Variants in CACNA2D3 observed in about 807,000 individuals in gnomAD.
The protein encoded by CACNA2D3 is voltage-dependent calcium channel subunit alpha-2/delta-3.
A neutral mutation model predicts 160.6 loss-of-function variants in CACNA2D3; 60 were observed. The observed-to-expected ratio is 0.37, with a 90% CI of 0.30 to 0.46. CACNA2D3 has a LOEUF of 0.46. Among genes scored for constraint, CACNA2D3 ranks in the 20% least tolerant of loss-of-function variants. The pLI, the probability that CACNA2D3 is intolerant of heterozygous loss-of-function variation, is 1.00. For synonymous variants in CACNA2D3, 558 were observed against 492.9 expected, an observed-to-expected ratio of 1.13 and a Z score of -1.75; for missense variants, 1,205 against 1,365.0, an observed-to-expected ratio of 0.88 and a Z score of 1.85.
intron 2 of CACNA2D3, among the ~76,000 whole-genome samples, chr3:54,284,924 G>A (rs1008180721): frequency 6.6e-6 from 1 of 152,192 alleles, no homozygotes; most frequent in Non-Finnish European, 1.5e-5. Flanking sequence ...GGAAAAGTAT[G>A]TCATAAAGGA....
intron 4 of CACNA2D3, among the ~76,000 whole-genome samples, chr3:54,390,389 A>T (rs1293170535): frequency 1.3e-5 from 2 of 152,192 alleles, no homozygotes; most frequent in Non-Finnish European, 2.9e-5. Context: ...AAAATGAGGC[A>T]CCAAGAAAAT....
rs1439209079 is a variant in CACNA2D3 at position 54,689,009 on chromosome 3, A to AG, written c.1167+46768_1167+46769insG. ...AAAAAAAAAAAAAAAAAAAAAAAAA[A>AG]AAGAATGAGGTTGTATACATAAAGC... On this transcript the variant is annotated intron_variant, in intron 11 of 37. Coordinates refer to ENST00000474759, the MANE Select transcript of CACNA2D3 (RefSeq NM_018398.3). 2.3e-3 allele frequency among the ~76,000 whole-genome samples: 280 copies of AG among 122,648 alleles called. 66 individuals are homozygous for AG. The highest frequency in any genetic ancestry group is 7.6e-3 in the African/African-American group (226 of 29,908). 80.5% of individuals were successfully genotyped at this position (122,648 alleles called of 152,430 possible). A position where few individuals can be genotyped will look rare whatever the true frequency, so the allele number is the denominator to read the frequency against.
intron 11 of CACNA2D3, among the ~76,000 whole-genome samples, chr3:54,718,868 T>C (rs542918450): frequency 6.8e-4 from 103 of 152,216 alleles, no homozygotes; most frequent in Middle Eastern, 6.8e-3. Context: ...GTGTTGGAAG[T>C]CTTACACATT....
chr3:54,749,660 G>A (rs1429898650), intron 11 of CACNA2D3, among the ~76,000 whole-genome samples: 2 of 152,160 alleles, frequency 1.3e-5, no homozygotes, highest in South Asian at 2.1e-4. Context: ...CAGTTGAAAG[G>A]CATTACTGTG....
In CACNA2D3 at chr3:54,862,585, C is replaced by T. The variant is rs145969939; in HGVS notation, c.1627-8954C>T. ...ATTGCCAGCTTCCTGCCCTGCTTGT[C>T]GTTTAGCATAAAAACCTGAAGTTGA... On this transcript the variant is annotated intron_variant, in intron 17 of 37. Coordinates refer to ENST00000474759, the MANE Select transcript of CACNA2D3 (RefSeq NM_018398.3). 8.3e-3 allele frequency among the ~76,000 whole-genome samples: 1,262 copies of T among 152,240 alleles called. 31 individuals carry two copies. Among genetic ancestry groups the T allele is most frequent in the East Asian group, 0.021 (108 of 5,156 alleles).
chr3:54,741,967 A>G (rs1430360885), intron 11 of CACNA2D3, among the ~76,000 whole-genome samples: 1 of 151,864 alleles, frequency 6.6e-6, no homozygotes, highest in Non-Finnish European at 1.5e-5. Context: ...AACCCTGACT[A>G]CTGCCCCCGA....
chr3:54,229,205 T>G (rs901402707), intron 2 of CACNA2D3, among the ~76,000 whole-genome samples: 2 of 152,138 alleles, frequency 1.3e-5, no homozygotes, highest in Non-Finnish European at 2.9e-5. Context: ...TTTTTTTTTT[T>G]TTTTGAGACG....
chr3:54,394,323 T>TTTTTTC (rs1699335624), intron 4 of CACNA2D3, among the ~76,000 whole-genome samples: 1 of 150,974 alleles, frequency 6.6e-6, no homozygotes, highest in African/African-American at 2.5e-5. Context: ...TGAACATTTT[T>TTTTTTC]TTTTTTTTTA....
At chr3:54,966,324 A>C (rs1212628362) in intron 27 of CACNA2D3, among the ~76,000 whole-genome samples, 1 of 152,134 alleles carries the variant, frequency 6.6e-6, no homozygotes, top group East Asian at 1.9e-4. Flanking sequence ...GATGAGATTT[A>C]TTTGAAATGC....
At position 54,847,364 on chromosome 3, in the gene CACNA2D3, G is replaced by A. The variant is rs182781878; in HGVS notation, c.1626+897G>A. Among the ~76,000 whole-genome samples the A allele has an allele frequency of 1.5e-3, 224 of 151,258 alleles. 1 individual carries two copies. The highest frequency in any genetic ancestry group is 3.4e-3 in the Middle Eastern group (1 of 292). ...TCTTTAGCAATCAACAAACACACACGTACCTATATGCACATACACAAATGC... is the reference window on the plus strand; with the variant it reads ...TCTTTAGCAATCAACAAACACACACATACCTATATGCACATACACAAATGC... On this transcript the variant is annotated intron_variant, in intron 17 of 37. Transcript: ENST00000474759.
chr3:55,032,792 A>ATATT (rs1316397508), intron 35 of CACNA2D3, among the ~76,000 whole-genome samples: 1 of 152,110 alleles, frequency 6.6e-6, no homozygotes, highest in African/African-American at 2.4e-5. Context: ...GGGAGGTCTT[A>ATATT]TATTTAATTC....
intron 11 of CACNA2D3, among the ~76,000 whole-genome samples, chr3:54,657,979 C>A (rs1699904445): frequency 1.3e-5 from 2 of 152,216 alleles, no homozygotes; most frequent in African/African-American, 2.4e-5. Flanking sequence ...GATTGCACCA[C>A]TGCTTTCCTG....
chr3:55,016,498 A>G (rs1575436896), intron 34 of CACNA2D3, among the ~76,000 whole-genome samples: 2 of 152,222 alleles, frequency 1.3e-5, no homozygotes, highest in Non-Finnish European at 1.5e-5. Flanking sequence ...TAGCTACTAC[A>G]TAGCTAGCCA....
intron 2 of CACNA2D3, among the ~76,000 whole-genome samples, chr3:54,163,977 C>T (rs1360040029): frequency 6.6e-6 from 1 of 152,202 alleles, no homozygotes; most frequent in Non-Finnish European, 1.5e-5. Context: ...AGCCCACGGG[C>T]TAAGCAGCCC....
chr3:54,155,643 G>A (rs1174782993), intron 2 of CACNA2D3, among the ~76,000 whole-genome samples: 3 of 152,140 alleles, frequency 2.0e-5, no homozygotes, highest in East Asian at 1.9e-4. Context: ...CAGAAACATT[G>A]AAAACAAGTT....
At position 54,165,616 on chromosome 3, in the gene CACNA2D3, A is replaced by AAAG. The variant is rs1553741734; in HGVS notation, c.204+42024_204+42025insGAA. On this transcript the variant is annotated intron_variant, in intron 2 of 37. Transcript: ENST00000474759. The stretch of plus-strand genomic sequence containing the variant: ...TTCCATCTCTAAAAAAAAAAAAAAA[A>AAAG]AAAGAAAAATTAGCCAGGTGTGGTG... Among the ~76,000 whole-genome samples the AAAG allele has an allele frequency of 4.7e-4, 69 of 147,172 alleles. 2 individuals are homozygous for AAAG. In the South Asian group the frequency reaches 0.011, roughly 24 times the overall value.
At chr3:54,776,189 A>G (rs1428004357) in intron 13 of CACNA2D3, among the ~76,000 whole-genome samples, 1 of 152,236 alleles carries the variant, frequency 6.6e-6, no homozygotes, top group Non-Finnish European at 1.5e-5. Context: ...GGATAGAAAC[A>G]GATCAGCCAG....
intron 3 of CACNA2D3, among the ~76,000 whole-genome samples, chr3:54,351,637 A>G (rs964326448): frequency 2.0e-5 from 3 of 152,032 alleles, no homozygotes; most frequent in African/African-American, 7.3e-5. Context: ...CCAGTTGGTA[A>G]CCTCCTCTTT....
chr3:54,176,847 G>C (rs527599645), intron 2 of CACNA2D3, among the ~76,000 whole-genome samples: 5 of 152,186 alleles, frequency 3.3e-5, no homozygotes, highest in Admixed American at 1.3e-4. Flanking sequence ...TTTGGTTGGG[G>C]TTGGGGGAGT....
Sources: gnomAD v4.1 joint callset for allele counts (sites outside exome capture counted in the v4.1 genomes callset) on GRCh38, gnomAD v4.1.1 for gene constraint, MANE v1.5 for transcripts, NCBI Gene and HGNC (gene_info 2026-07-23, HGNC 2026-07-21) for gene names.